RBFOX1: variants seen among roughly 807,000 people sequenced by gnomAD.
RBFOX1 encodes RNA binding protein fox-1 homolog 1.
A neutral mutation model predicts 57.7 loss-of-function variants in RBFOX1; 8 were observed. The ratio of observed to expected loss-of-function variants is 0.14; its 90% CI spans 0.08 to 0.25. The LOEUF (loss-of-function observed/expected upper bound fraction) is 0.25. Among genes scored for constraint, RBFOX1 ranks in the 10% least tolerant of loss-of-function variants. RBFOX1 has a pLI of 1.00. For synonymous variants in RBFOX1, 326 were observed against 222.4 expected (o/e 1.47, Z -4.15); for missense variants, 611 against 548.5 (o/e 1.11, Z -1.14).
At chr16:5,469,588 C>T (rs1394796346) in intron 2 of RBFOX1, among the ~76,000 whole-genome samples, 1 of 152,128 alleles carries the variant, frequency 6.6e-6, no homozygotes, top group Non-Finnish European at 1.5e-5. Flanking sequence ...AATGCGGTGC[C>T]ACCATACCTT....
intron 1 of RBFOX1, among the ~76,000 whole-genome samples, chr16:6,281,413 C>A (rs1044825201): frequency 6.6e-6 from 1 of 152,112 alleles, no homozygotes; most frequent in Non-Finnish European, 1.5e-5. Context: ...CCGGAGCCCA[C>A]GCCTTGTAAT....
At chr16:6,308,417 AC>A (rs1376290283) in intron 1 of RBFOX1, among the ~76,000 whole-genome samples, 2 of 152,264 alleles carry the variant, frequency 1.3e-5, no homozygotes, top group African/African-American at 4.8e-5. Context: ...CTTAGATAAC[AC>A]TTACATAAAT....
intron 3 of RBFOX1, among the ~76,000 whole-genome samples, chr16:6,676,888 C>A (rs1017338621): frequency 1.3e-5 from 2 of 151,894 alleles, no homozygotes; most frequent in East Asian, 1.9e-4. Flanking sequence ...GTTGGCCATG[C>A]TGGTTTTGAA....
intron 3 of RBFOX1, among the ~76,000 whole-genome samples, chr16:6,766,559 T>A (rs1026472737): frequency 6.6e-6 from 1 of 151,866 alleles, no homozygotes; most frequent in African/African-American, 2.4e-5. Flanking sequence ...CCATGTTCTT[T>A]ATCATCAGTG....
At chr16:5,549,032 C>T (rs966698754) in intron 2 of RBFOX1, among the ~76,000 whole-genome samples, 1 of 152,206 alleles carries the variant, frequency 6.6e-6, no homozygotes, top group Admixed American at 6.5e-5. Context: ...ACAATTCATA[C>T]TGGCCGCAAG....
chr16:5,426,072 C>T (rs2067549777), intron 1 of RBFOX1, among the ~76,000 whole-genome samples: 1 of 152,194 alleles, frequency 6.6e-6, no homozygotes, highest in Non-Finnish European at 1.5e-5. Context: ...ATGAAATCCT[C>T]TGAGTCTCCT....
At chr16:5,870,708 A>G (rs1456195375) in intron 4 of RBFOX1, among the ~76,000 whole-genome samples, 1 of 151,786 alleles carries the variant, frequency 6.6e-6, no homozygotes, top group East Asian at 1.9e-4. Context: ...CAGGGAGGTA[A>G]CCTTTTATTA....
At chr16:6,618,252 T>C (rs934222506) in intron 2 of RBFOX1, among the ~76,000 whole-genome samples, 1 of 152,230 alleles carries the variant, frequency 6.6e-6, no homozygotes, top group Admixed American at 6.5e-5. Flanking sequence ...AATATGATTA[T>C]GTGTATACCC....
chr16:5,952,338 AT>A lies in RBFOX1; in HGVS notation c.351+85004del, dbSNP rs553935999. ...GTTAATCTTTGTATTTTTCGTAGAG[AT>A]GGGGTTTCACCATGTTGACCAGTCT... is the stretch of plus-strand genomic sequence containing the variant. On this transcript the variant is annotated intron_variant, in intron 4 of 19. Coordinates refer to the RBFOX1 transcript ENST00000641259. Among the ~76,000 whole-genome samples, 806 of 152,042 alleles carry A rather than the reference AT, an allele frequency of 5.3e-3. 6 individuals are homozygous for A. The highest frequency in any genetic ancestry group is 0.019 in the African/African-American group (772 of 41,470).
intron 1 of RBFOX1, among the ~76,000 whole-genome samples, chr16:6,311,571 G>C (rs1294111702): frequency 6.6e-6 from 1 of 152,186 alleles, no homozygotes; most frequent in Non-Finnish European, 1.5e-5. Context: ...ACCCATGACT[G>C]TCCTTAGAAA....
Position 7,062,246 on chromosome 16 carries a change from A to G in RBFOX1, c.27+10148A>G, listed in dbSNP as rs572829931. On this transcript the variant is annotated intron_variant, in intron 4 of 15. Transcript: ENST00000550418. The stretch of plus-strand genomic sequence containing the variant: ...AGGCAGGAGAATGCCGTGAACCGAG[A>G]TCATGAGGTTGCAGTGAGCCGAGAT... Among the ~76,000 whole-genome samples the G allele has an allele frequency of 4.1e-5, 6 of 145,894 alleles. No homozygotes were observed. In the East Asian group the frequency reaches 1.3e-3, roughly 31 times the overall value.
Position 7,235,112 on chromosome 16 carries a change from G to A in RBFOX1, c.27+183014G>A, listed in dbSNP as rs1362027560. 3.9e-5 allele frequency among the ~76,000 whole-genome samples: 6 copies of A among 152,104 alleles called. No homozygotes were observed. The East Asian group carries it at 7.7e-4, about 20-fold the overall frequency. On this transcript the variant is annotated intron_variant, in intron 4 of 15. Coordinates refer to ENST00000550418, the MANE Select transcript of RBFOX1 (RefSeq NM_018723.4). ...TAAAACAGAAAAAGTTCTTTAAGAGGTATATAAATCTACACATCGGTAGTA... is the reference window on the plus strand; with the variant it reads ...TAAAACAGAAAAAGTTCTTTAAGAGATATATAAATCTACACATCGGTAGTA...
chr16:5,763,279 AG>A (rs2053650744), intron 3 of RBFOX1, among the ~76,000 whole-genome samples: 1 of 152,230 alleles, frequency 6.6e-6, no homozygotes, highest in East Asian at 1.9e-4. Flanking sequence ...GACCCTCCTT[AG>A]GAAGTGTCAT....
chr16:5,965,416 T>G (rs755378709), intron 4 of RBFOX1, among the ~76,000 whole-genome samples: 10 of 152,130 alleles, frequency 6.6e-5, no homozygotes, highest in Non-Finnish European at 1.2e-4. Flanking sequence ...ATCTTAAATA[T>G]ATACGATTTT....
chr16:5,817,607 G>T (rs1250866633), intron 3 of RBFOX1, among the ~76,000 whole-genome samples: 1 of 151,840 alleles, frequency 6.6e-6, no homozygotes, highest in East Asian at 2.0e-4. Context: ...GGAGAGGGGA[G>T]AGAGAAAGGA....
intron 2 of RBFOX1, among the ~76,000 whole-genome samples, chr16:6,583,030 G>GTCTC (rs56039447): frequency 5.1e-4 from 76 of 149,688 alleles, no homozygotes; most frequent in Non-Finnish European, 9.2e-4. Flanking sequence ...CTTGCTCGAT[G>GTCTC]TCTCTCTCTC....
intron 3 of RBFOX1, among the ~76,000 whole-genome samples, chr16:5,606,439 C>A (rs1309235471): frequency 2.0e-5 from 3 of 152,042 alleles, no homozygotes; most frequent in African/African-American, 7.2e-5. Flanking sequence ...ACAAAATGCC[C>A]TCCACCCTCA....
At chr16:6,897,107 A>C (rs139219856) in intron 3 of RBFOX1, among the ~76,000 whole-genome samples, 1 of 152,188 alleles carries the variant, frequency 6.6e-6, no homozygotes, top group African/African-American at 2.4e-5. Flanking sequence ...GGCTATTTAT[A>C]TTTGGCACAT....
At chr16:7,256,295 G>A (rs1225511955) in intron 4 of RBFOX1, among the ~76,000 whole-genome samples, 1 of 152,152 alleles carries the variant, frequency 6.6e-6, no homozygotes, top group Non-Finnish European at 1.5e-5. Flanking sequence ...GAGAGGTTAA[G>A]CCTCACCTCC....
Sources: allele counts gnomAD v4.1 joint callset (sites outside exome capture counted in the v4.1 genomes callset), GRCh38; gene constraint gnomAD v4.1.1; transcripts MANE v1.5; gene names NCBI Gene and HGNC (gene_info 2026-07-23, HGNC 2026-07-21).